The following SMIM23 variants were observed in gnomAD, a reference collection of about 807,000 sequenced individuals.
SMIM23 encodes small integral membrane protein 23.
In SMIM23, 10 loss-of-function variants were observed where a neutral mutation model predicts 12.8. That is an observed-to-expected ratio of 0.78 (90% CI 0.48 to 1.32). SMIM23 has a LOEUF of 1.32. Ranked by LOEUF, SMIM23 falls within the 40% of genes most tolerant of loss-of-function variation. SMIM23 has a pLI of 0.00. For missense variants in SMIM23, 184 were observed against 198.2 expected (o/e 0.93, Z 0.43); for synonymous variants, 78 against 80.1 (o/e 0.97, Z 0.14).
chr5:171,790,310 G>C, intron 2 of SMIM23, 29 bp downstream of exon 2: 1 of 1,535,558 alleles, frequency 6.5e-7, no homozygotes, highest in South Asian at 1.2e-5. Context: ...GAGAAAGAAG[G>C]AACCAAATCC....
At chr5:171,785,101 CTG>C (rs1372949474), upstream of SMIM23, among the ~76,000 whole-genome samples, 1 of 152,158 alleles carries the variant, frequency 6.6e-6, no homozygotes, top group African/African-American at 2.4e-5. Context: ...TGAAACTCTT[CTG>C]TGTCTTGACT....
upstream of SMIM23, among the ~76,000 whole-genome samples, chr5:171,784,628 T>G (rs983426636): frequency 2.0e-5 from 3 of 152,208 alleles, no homozygotes; most frequent in Non-Finnish European, 4.4e-5. Context: ...TTTGACAATT[T>G]CTTATAAAAC....
At chr5:171,778,343 C>T (rs12657547), upstream of SMIM23, among the ~76,000 whole-genome samples, 4 of 147,840 alleles carry the variant, frequency 2.7e-5, no homozygotes, top group African/African-American at 7.5e-5. Flanking sequence ...GGTGACAGAG[C>T]GAGACTCCAT....
upstream of SMIM23, among the ~76,000 whole-genome samples, chr5:171,783,191 T>A (rs1437491846): frequency 2.0e-5 from 3 of 152,208 alleles, no homozygotes. Flanking sequence ...AAGCATACTG[T>A]GTTCCTGGGA....
the SMIM23 span, chr5:171,774,038 T>C: frequency 2.8e-6 from 1 of 359,908 alleles, no homozygotes; most frequent in African/African-American, 2.1e-5. Context: ...TTGGTGGCTA[T>C]GGGCTTTGTG....
chr5:171,776,846 C>T, the SMIM23 span, among the ~76,000 whole-genome samples: 6 of 152,172 alleles, frequency 3.9e-5, no homozygotes, highest in African/African-American at 4.8e-5. Flanking sequence ...AATTGAGGGG[C>T]GCTTCACACT....
At chr5:171,785,209 C>A (rs533230229), upstream of SMIM23, among the ~76,000 whole-genome samples, 2 of 152,148 alleles carry the variant, frequency 1.3e-5, no homozygotes, top group African/African-American at 4.8e-5. Context: ...GGGAAGTCTG[C>A]GTAAGATTGG....
chr5:171,775,544 T>C, the SMIM23 span, among the ~76,000 whole-genome samples: 1 of 152,140 alleles, frequency 6.6e-6, no homozygotes, highest in African/African-American at 2.4e-5. Context: ...TCCTCCAGTT[T>C]GACTTACCGT....
chr5:171,791,001 C>T lies in SMIM23; in HGVS notation c.432C>T (p.His144=). 1.3e-6 allele frequency: 2 copies of T among 1,535,664 alleles called. No individual in the cohort carries two copies. Among genetic ancestry groups the T allele is most frequent in the Non-Finnish European group, 1.7e-6 (2 of 1,146,896 alleles). Residue 144 remains histidine (H), a synonymous_variant, in exon 4 of 4, where the codon CAC becomes CAT. Coordinates refer to ENST00000523047, the MANE Select transcript of SMIM23 (RefSeq NM_001289970.2). The stretch of plus-strand genomic sequence containing the variant: ...AGCACTGCTCCACATATAAAAGTCA[C>T]TTGTGGGAGTGGGCCTGGGCCCTGG... ...QEEHCSTYKS[H]LWEWAWALGR...
the SMIM23 span, chr5:171,774,553 C>T: frequency 2.9e-5 from 13 of 456,044 alleles, no homozygotes; most frequent in Middle Eastern, 6.5e-4. Flanking sequence ...AAGTTCCTTG[C>T]GGGTTTATCT....
upstream of SMIM23, among the ~76,000 whole-genome samples, chr5:171,784,243 C>A (rs1314154517): frequency 6.6e-6 from 1 of 152,192 alleles, no homozygotes; most frequent in Non-Finnish European, 1.5e-5. Context: ...CAGTGGCTCA[C>A]GCCTGTAATC....
chr5:171,778,447 T>TCACACA (rs4041455), upstream of SMIM23, among the ~76,000 whole-genome samples: 482 of 141,642 alleles, frequency 3.4e-3, 1 homozygote, highest in Middle Eastern at 7.2e-3. Flanking sequence ...TGGGAAAATT[T>TCACACA]CACACACACA....
chr5:171,785,876 C>A lies in SMIM23; in HGVS notation c.5C>A (p.Ala2Glu), dbSNP rs1403325293. The change falls in exon 1 of 4, where the codon GCA (alanine) becomes GAA (glutamate). Residue 2 changes from alanine to glutamate, a missense_variant. By Grantham distance (107) the Ala-to-Glu change is moderately radical (BLOSUM62 -1). Transcript: ENST00000523047. ...CAGGCAGCCAGATCTGAGGCCATGGCAACCCAGCAAGTGGACAGCAGAAGG... is the reference window on the plus strand; with the variant it reads ...CAGGCAGCCAGATCTGAGGCCATGGAAACCCAGCAAGTGGACAGCAGAAGG... MATQQVDSRRQV... is the reference protein window; with the variant it reads METQQVDSRRQV... 2 of 1,536,080 alleles carry A rather than the reference C, an allele frequency of 1.3e-6. No individual in the cohort carries two copies. The highest frequency in any genetic ancestry group is 1.7e-6 in the Non-Finnish European group (2 of 1,146,898).
rs202159150 is a variant in SMIM23, at chr5:171,787,004, CTTT to C, written c.105+1058_105+1060del. ...GATTCTACCAGAGTCCCATTGTTTC[CTTT>C]TTTTTTTTTTTTTTTTTTTTTTTTT... On this transcript the variant is annotated intron_variant, in intron 1 of 3. Coordinates refer to ENST00000523047, the MANE Select transcript of SMIM23 (RefSeq NM_001289970.2). Among the ~76,000 whole-genome samples, 515 of 70,864 alleles carry C rather than the reference CTTT, an allele frequency of 7.3e-3. 1 individual carries two copies. The highest frequency in any genetic ancestry group is 0.021 in the African/African-American group (420 of 19,982). 46.5% of individuals were successfully genotyped at this position (70,864 alleles called of 152,430 possible).
chr5:171,776,150 C>T, the SMIM23 span, among the ~76,000 whole-genome samples: 1 of 152,154 alleles, frequency 6.6e-6, no homozygotes, highest in Non-Finnish European at 1.5e-5. Flanking sequence ...GGATTACAGG[C>T]GTGAGCCACC....
upstream of SMIM23, among the ~76,000 whole-genome samples, chr5:171,783,977 C>T (rs1306469215): frequency 2.0e-5 from 3 of 152,096 alleles, no homozygotes; most frequent in Admixed American, 6.5e-5. Flanking sequence ...CATGGTGGCT[C>T]ACACCGGTAA....
chr5:171,782,153 C>G (rs1322452709), upstream of SMIM23, among the ~76,000 whole-genome samples: 1 of 152,228 alleles, frequency 6.6e-6, no homozygotes, highest in African/African-American at 2.4e-5. Context: ...TAACACTCAC[C>G]GTGAGGGTTT....
In SMIM23 at chr5:171,790,489, T is replaced by A; in HGVS notation, c.165T>A (p.Ser55Arg). The A allele has an allele frequency of 1.3e-6, 2 of 1,536,660 alleles. No homozygotes were observed. Among genetic ancestry groups the A allele is most frequent in the Non-Finnish European group, 1.7e-6 (2 of 1,147,034 alleles). The change falls in exon 3 of 4, where the codon AGT becomes AGA. Residue 55 changes from serine (S) to arginine (R), a missense_variant. Coordinates refer to ENST00000523047, the MANE Select transcript of SMIM23 (RefSeq NM_001289970.2). ...TGTTTGTGCCTGTTTCAGGAAGCAG[T>A]TGGGAGGTGTCAGAAAGGATCAGAG... ...LYLSTEIWGS[S>R]WEVSERIREC...
chr5:171,779,155 A>C (rs145730968), upstream of SMIM23, among the ~76,000 whole-genome samples: 50 of 152,308 alleles, frequency 3.3e-4, no homozygotes, highest in East Asian at 8.5e-3. Context: ...TTCTAAGTTG[A>C]ATTTGTTGCC....
Sources: gnomAD v4.1 joint callset for allele counts (sites outside exome capture counted in the v4.1 genomes callset) on GRCh38, gnomAD v4.1.1 for gene constraint, MANE v1.5 for transcripts, NCBI Gene and HGNC (gene_info 2026-07-23, HGNC 2026-07-21) for gene names.